The following ZNF710 variants were observed in gnomAD, a reference collection of about 807,000 sequenced individuals.
ZNF710 encodes zinc finger protein 710.
ZNF710 carries 13 observed loss-of-function variants against 50.6 expected under a neutral mutation model. That is an observed-to-expected ratio of 0.26 (90% confidence interval 0.17 to 0.41). ZNF710 has a LOEUF of 0.41. Ranked by LOEUF, ZNF710 falls within the 10% of genes least tolerant of loss-of-function variation. ZNF710 has a pLI of 1.00. For synonymous variants in ZNF710, 383 were observed against 397.0 expected (o/e 0.96, Z 0.42); for missense variants, 721 against 936.6 (o/e 0.77, Z 3.01).
intron 1 of ZNF710, among the ~76,000 whole-genome samples, chr15:90,008,453 T>TACATATATATAC (rs1898208603): frequency 1.6e-5 from 2 of 127,950 alleles, no homozygotes; most frequent in African/African-American, 7.3e-5. Flanking sequence ...TATATATATA[T>TACATATATATAC]GTATATATAT....
chr15:90,058,070 G>C (rs999379203), intron 1 of ZNF710, among the ~76,000 whole-genome samples: 6 of 152,180 alleles, frequency 3.9e-5, no homozygotes, highest in Non-Finnish European at 5.9e-5. Flanking sequence ...CAGAGGCGTG[G>C]CTCCCAGGTC....
chr15:90,053,001 G>A (rs1899694052), intron 1 of ZNF710, among the ~76,000 whole-genome samples: 1 of 149,798 alleles, frequency 6.7e-6, no homozygotes. Context: ...TGTCCCTTGT[G>A]CCTGGTCCAT....
At chr15:90,079,188 C>G (rs968580083) in intron 4 of ZNF710, among the ~76,000 whole-genome samples, 1 of 152,210 alleles carries the variant, frequency 6.6e-6, no homozygotes, top group Non-Finnish European at 1.5e-5. Context: ...CCTCAGCCTT[C>G]TGAGCTGCTA....
chr15:90,060,232 C>G (rs1040014435), intron 1 of ZNF710, among the ~76,000 whole-genome samples: 1 of 152,180 alleles, frequency 6.6e-6, no homozygotes, highest in African/African-American at 2.4e-5. Context: ...AAGCAAGCAC[C>G]TAATAGGTTT....
At chr15:90,053,087 G>A (rs146361569) in intron 1 of ZNF710, among the ~76,000 whole-genome samples, 1,585 of 152,334 alleles carry the variant, frequency 0.01, 17 homozygotes, top group Non-Finnish European at 0.015. Context: ...TTAAACTCGG[G>A]GCACAGACAC....
chr15:90,001,975 G>C (rs1898024219), intron 1 of ZNF710, among the ~76,000 whole-genome samples: 1 of 147,698 alleles, frequency 6.8e-6, no homozygotes, highest in Non-Finnish European at 1.5e-5. Flanking sequence ...ATGAGAGAGA[G>C]AGAGAGAGAG....
At chr15:90,001,997 G>GAGAGAGAGAGAGAGA (rs1898025235) in intron 1 of ZNF710, among the ~76,000 whole-genome samples, 1 of 145,978 alleles carries the variant, frequency 6.9e-6, no homozygotes, top group African/African-American at 2.6e-5. Context: ...GAGAGAGAGA[G>GAGAGAGAGAGAGAGA]GCAAAAATGA....
chr15:90,067,688 T>G lies in ZNF710; in HGVS notation c.551T>G (p.Val184Gly). ...LPRTPRPELNVAPYDPHFPAP... is the reference protein window; with the variant it reads ...LPRTPRPELNGAPYDPHFPAP... The stretch of plus-strand genomic sequence containing the variant: ...CGAACCCCGAGGCCGGAGCTGAACG[T>G]GGCCCCATATGACCCTCACTTCCCG... Residue 184 changes from valine to glycine, a missense_variant, in exon 2 of 5, where the codon GTG becomes GGG. Physicochemically the swap from Val to Gly is moderately radical, Grantham distance 109. Around this residue, in one of 3 missense-constraint regions of ZNF710, gnomAD observed 326 missense variants for 347.1 expected, o/e 0.94. Coordinates refer to ENST00000268154, the MANE Select transcript of ZNF710 (RefSeq NM_198526.4). This position sits in a 1 kb window ranked among gnomAD's most constrained non-coding sequence, Gnocchi z 8.1. The G allele has an allele frequency of 6.2e-7, 1 of 1,612,310 alleles. No homozygotes were observed. The highest frequency in any genetic ancestry group is 8.5e-7 in the Non-Finnish European group (1 of 1,179,428).
rs981012821 is a variant in ZNF710 at position 90,011,765 on chromosome 15, CT to C, written c.-29+10159del. ...CCTTATTCTTTTTTTTCTTCTTCTTCTTTTTTTTAGCCTAGAATATATATAA... is the reference window on the plus strand; with the variant it reads ...CCTTATTCTTTTTTTTCTTCTTCTTCTTTTTTTAGCCTAGAATATATATAA... On this transcript the variant is annotated intron_variant, in intron 1 of 4. Transcript: ENST00000268154. 2.0e-5 allele frequency among the ~76,000 whole-genome samples: 3 copies of C among 151,694 alleles called. No individual in the cohort carries two copies. The South Asian group carries it at 6.2e-4, about 32-fold the overall frequency.
rs1224203324 is a variant in ZNF710 at position 90,027,955 on chromosome 15, A to T, written c.-29+26341A>T. Reference sequence around the variant, plus strand: ...GCCAAATGGTGAGCTCCATGAGGCTAGGAACCAGGTCAGTTCTGCGTAACA... The same window carrying T: ...GCCAAATGGTGAGCTCCATGAGGCTTGGAACCAGGTCAGTTCTGCGTAACA... On this transcript the variant is annotated intron_variant, in intron 1 of 4. Transcript: ENST00000268154. Among the ~76,000 whole-genome samples, 3 of 152,350 alleles carry T rather than the reference A, an allele frequency of 2.0e-5. No individual in the cohort carries two copies. In the East Asian group the frequency reaches 5.8e-4, roughly 29 times the overall value.
At chr15:90,032,157 C>G (rs1898968259) in intron 1 of ZNF710, among the ~76,000 whole-genome samples, 2 of 152,204 alleles carry the variant, frequency 1.3e-5, no homozygotes, top group South Asian at 4.1e-4. Context: ...GCCACCACGC[C>G]TAGCTAATTT....
intron 1 of ZNF710, among the ~76,000 whole-genome samples, chr15:90,007,210 A>G (rs1189687892): frequency 6.6e-6 from 1 of 152,198 alleles, no homozygotes; most frequent in Non-Finnish European, 1.5e-5. Flanking sequence ...GGCAAGGGTC[A>G]AAAGGGCTTT....
intron 1 of ZNF710, among the ~76,000 whole-genome samples, chr15:90,032,063 C>G (rs1472750642): frequency 6.6e-6 from 1 of 152,224 alleles, no homozygotes; most frequent in Non-Finnish European, 1.5e-5. Context: ...GTGGCGCGAT[C>G]TCAGCTCACT....
intron 1 of ZNF710, among the ~76,000 whole-genome samples, chr15:90,064,597 C>T (rs1020775977): frequency 6.6e-6 from 1 of 152,188 alleles, no homozygotes; most frequent in African/African-American, 2.4e-5. Context: ...AAGTGATTCT[C>T]CTGCCTCAGA....
chr15:90,068,473 T>G lies in ZNF710; in HGVS notation c.1336T>G (p.Tyr446Asp). The G allele has an allele frequency of 6.2e-7, 1 of 1,614,126 alleles. No homozygotes were observed. Among genetic ancestry groups the G allele is most frequent in the Non-Finnish European group, 8.5e-7 (1 of 1,180,048 alleles). Residue 446 changes from tyrosine (Y) to aspartate (D), a missense_variant, in exon 2 of 5, where the codon TAC becomes GAC. By Grantham distance (160) the Tyr-to-Asp change is radical (BLOSUM62 -3). Transcript: ENST00000268154. This position sits in a 1 kb window ranked among gnomAD's most constrained non-coding sequence, Gnocchi z 5.0. ...CCTCGAGTGTGACAAGTCCTTCCACTACCGCAGCCAGTTGCAGAACCACAT... is the reference window on the plus strand; with the variant it reads ...CCTCGAGTGTGACAAGTCCTTCCACGACCGCAGCCAGTTGCAGAACCACAT... ...QCLECDKSFH[Y>D]RSQLQNHMLK...
At chr15:90,031,730 A>T (rs1898955767) in intron 1 of ZNF710, among the ~76,000 whole-genome samples, 1 of 151,912 alleles carries the variant, frequency 6.6e-6, no homozygotes, top group Non-Finnish European at 1.5e-5. Flanking sequence ...TCTGCTGGGG[A>T]GCTTGTTAAA....
In ZNF710 at chr15:90,041,244, C is replaced by G. The variant is rs184119051; in HGVS notation, c.-28-25866C>G. ...AGAGATAGGGTCTCACTCTGTCACC[C>G]AAGCTAGAATGCAGCGGCATGATCA... On this transcript the variant is annotated intron_variant, in intron 1 of 4. Transcript: ENST00000268154. Among the ~76,000 whole-genome samples the G allele has an allele frequency of 5.5e-4, 84 of 152,192 alleles. 1 individual carries two copies. In the East Asian group the frequency reaches 0.014, roughly 25 times the overall value.
Position 90,080,547 on chromosome 15 carries a change from C to G in ZNF710, c.*718C>G, listed in dbSNP as rs1900697415. The stretch of plus-strand genomic sequence containing the variant: ...TTCGACCCTAGCTGGAGTGCCTCAC[C>G]AGGGGGCCCCACTAGGAACAAAGCC... On this transcript the variant is annotated 3_prime_UTR_variant, in exon 5 of 5. Coordinates refer to ENST00000268154, the MANE Select transcript of ZNF710 (RefSeq NM_198526.4). The G allele has an allele frequency of 6.6e-6, 1 of 152,654 alleles. No homozygotes were observed. The highest frequency in any genetic ancestry group is 1.5e-5 in the Non-Finnish European group (1 of 68,170). The allele number at this position is 152,654 out of a possible 1,614,324, so 9.5% of individuals were successfully genotyped here.
chr15:90,001,898 G>C (rs1420122716), intron 1 of ZNF710, among the ~76,000 whole-genome samples: 2 of 136,840 alleles, frequency 1.5e-5, no homozygotes, highest in Non-Finnish European at 3.2e-5. Context: ...GGGAGGGAGA[G>C]GAGGGGGAGG....
Sources: gnomAD v4.1 joint callset for allele counts (sites outside exome capture counted in the v4.1 genomes callset) on GRCh38, gnomAD v4.1.1 for gene constraint, gnomAD v4.1.1 regional missense constraint, Gnocchi (gnomAD v3.1) non-coding constraint, MANE v1.5 for transcripts, NCBI Gene and HGNC (gene_info 2026-07-23, HGNC 2026-07-21) for gene names.